The following CLIC5 variants were observed in gnomAD, a reference collection of about 807,000 sequenced individuals.
CLIC5 encodes the protein chloride intracellular channel protein 5.
CLIC5 carries 20 observed loss-of-function variants against 24.7 expected under a neutral mutation model. That is an observed-to-expected ratio of 0.81 (90% CI 0.57 to 1.18). CLIC5 has a LOEUF of 1.18. Among genes scored for constraint, CLIC5 ranks in the 50% most tolerant of loss-of-function variants. The probability of loss-of-function intolerance (pLI) is 0.00; values close to 1 mark genes in which losing one functional copy is unlikely to be tolerated. For missense variants in CLIC5, 341 were observed against 326.1 expected (o/e 1.05, Z -0.35); for synonymous variants, 159 against 135.6 (o/e 1.17, Z -1.20).
chr6:46,020,861 T>G (rs1767156902), intron 1 of CLIC5, among the ~76,000 whole-genome samples: 1 of 151,852 alleles, frequency 6.6e-6, no homozygotes, highest in South Asian at 2.1e-4. Flanking sequence ...CAAAATTCAC[T>G]CAATGAGAAG....
intron 1 of CLIC5, among the ~76,000 whole-genome samples, chr6:45,962,643 C>T (rs1298096025): frequency 2.0e-5 from 3 of 152,178 alleles, no homozygotes; most frequent in African/African-American, 7.2e-5. Context: ...AATTCAGTAG[C>T]TGTCATCTGC....
intron 1 of CLIC5, among the ~76,000 whole-genome samples, chr6:45,996,598 T>C (rs1766149806): frequency 6.6e-6 from 1 of 152,152 alleles, no homozygotes; most frequent in South Asian, 2.1e-4. Flanking sequence ...ATTTATTAAA[T>C]AGGGAATCCT....
chr6:46,089,579 C>T, the CLIC5 span, among the ~76,000 whole-genome samples: 7 of 152,020 alleles, frequency 4.6e-5, no homozygotes, highest in Non-Finnish European at 1.5e-5. Flanking sequence ...AATTTGCTAT[C>T]GGGTGACACA....
the CLIC5 span, among the ~76,000 whole-genome samples, chr6:46,091,420 T>G: frequency 6.6e-6 from 1 of 152,186 alleles, no homozygotes; most frequent in African/African-American, 2.4e-5. Flanking sequence ...TGGTTGCAAA[T>G]GACAGGATTT....
intron 1 of CLIC5, among the ~76,000 whole-genome samples, chr6:46,079,466 C>A (rs965251566): frequency 1.3e-5 from 2 of 152,210 alleles, no homozygotes; most frequent in Non-Finnish European, 2.9e-5. Flanking sequence ...ATACTTTGCC[C>A]ATGGTATGTA....
intron 5 of CLIC5, chr6:45,913,885 T>A: frequency 1.9e-6 from 2 of 1,040,616 alleles, no homozygotes; most frequent in South Asian, 4.9e-5. Flanking sequence ...GGAAATCCTA[T>A]GAGGAAGAGG....
intron 6 of CLIC5, among the ~76,000 whole-genome samples, chr6:45,881,783 A>G (rs1762264786): frequency 6.6e-6 from 1 of 152,124 alleles, no homozygotes; most frequent in Admixed American, 6.5e-5. Flanking sequence ...TAAGCCCTGT[A>G]AGTGTCCTTC....
chr6:45,921,956 T>C (rs6928240), intron 4 of CLIC5, among the ~76,000 whole-genome samples: 5,869 of 152,198 alleles, frequency 0.039, 368 homozygotes, highest in African/African-American at 0.13. Context: ...GGGGCTCACA[T>C]GGGGGAGGCA....
chr6:46,050,189 T>G (rs1768064920), intron 1 of CLIC5, among the ~76,000 whole-genome samples: 1 of 152,192 alleles, frequency 6.6e-6, no homozygotes, highest in African/African-American at 2.4e-5. Context: ...CTGGACCACA[T>G]CCCTATGCAG....
At chr6:46,045,507 G>C (rs1271047996) in intron 1 of CLIC5, among the ~76,000 whole-genome samples, 4 of 152,148 alleles carry the variant, frequency 2.6e-5, no homozygotes, top group African/African-American at 9.7e-5. Flanking sequence ...CATTCTCCAT[G>C]ATGCTGGTTG....
chr6:45,912,136 A>G, intron 5 of CLIC5: 1 of 986,776 alleles, frequency 1.0e-6, no homozygotes. Flanking sequence ...CCCACAGCCC[A>G]GATTAAGTTT....
chr6:46,072,309 T>C (rs1215815708), intron 1 of CLIC5, among the ~76,000 whole-genome samples: 1 of 150,342 alleles, frequency 6.7e-6, no homozygotes. Context: ...CCTAGGGAGA[T>C]GGATGACTCT....
intron 1 of CLIC5, among the ~76,000 whole-genome samples, chr6:45,988,675 G>A (rs114528105): frequency 1.6e-3 from 241 of 152,302 alleles, no homozygotes; most frequent in Non-Finnish European, 2.2e-3. Flanking sequence ...TGCCTTCAAA[G>A]GTTAAGTTTA....
chr6:45,912,295 T>C, intron 5 of CLIC5: 2 of 1,003,658 alleles, frequency 2.0e-6, no homozygotes, highest in Non-Finnish European at 2.4e-6. Context: ...TGTTCTTTCA[T>C]TGGCCATCTT....
chr6:45,901,449 GT>G lies in CLIC5; in HGVS notation c.*1638del, dbSNP rs1268733620. On this transcript the variant is annotated 3_prime_UTR_variant, in exon 6 of 6. Transcript: ENST00000339561. Reference sequence around the variant, plus strand: ...GCAGGTAGGTCCAGGGATTGCTTGGGTTAGAATTTGTTGATATTTCTATGGA... The same window carrying G: ...GCAGGTAGGTCCAGGGATTGCTTGGGTAGAATTTGTTGATATTTCTATGGA... 4 of 152,104 alleles carry G rather than the reference GT, an allele frequency of 2.6e-5. No individual in the cohort carries two copies. The East Asian group carries it at 7.7e-4, about 29-fold the overall frequency. 9.4% of individuals were successfully genotyped at this position (152,104 alleles called of 1,614,324 possible).
upstream of CLIC5, among the ~76,000 whole-genome samples, chr6:46,018,193 A>C (rs1362064510): frequency 6.6e-6 from 1 of 152,222 alleles, no homozygotes; most frequent in Non-Finnish European, 1.5e-5. Context: ...GTAGCAAATA[A>C]AATTATATGC....
At chr6:46,005,246 T>C (rs936986978) in intron 1 of CLIC5, among the ~76,000 whole-genome samples, 1 of 152,256 alleles carries the variant, frequency 6.6e-6, no homozygotes, top group Non-Finnish European at 1.5e-5. Context: ...TCCCCTTTTG[T>C]GTTATTTCTC....
chr6:46,010,441 C>T (rs1555216), intron 1 of CLIC5, among the ~76,000 whole-genome samples: 2 of 151,936 alleles, frequency 1.3e-5, no homozygotes, highest in East Asian at 1.9e-4. Context: ...CTGGTGAACC[C>T]GAGCCTGACA....
chr6:45,972,562 C>G (rs1765236433), intron 1 of CLIC5, among the ~76,000 whole-genome samples: 1 of 152,222 alleles, frequency 6.6e-6, no homozygotes, highest in African/African-American at 2.4e-5. Flanking sequence ...TCTGGGTTGT[C>G]TGCAGCCTTG....
Sources: gnomAD v4.1 joint callset for allele counts (sites outside exome capture counted in the v4.1 genomes callset) on GRCh38, gnomAD v4.1.1 for gene constraint, MANE v1.5 for transcripts, NCBI Gene and HGNC (gene_info 2026-07-23, HGNC 2026-07-21) for gene names.